Variants in NANS observed in about 807,000 individuals in gnomAD.
NANS encodes N-acetylneuraminate synthase, also known as N-acetylneuraminate-9-phosphate synthase.
In NANS, 29 loss-of-function variants were observed where a neutral mutation model predicts 33.3. The ratio of observed to expected loss-of-function variants is 0.87; its 90% CI spans 0.65 to 1.19. The LOEUF (loss-of-function observed/expected upper bound fraction) is 1.19, where lower values mean the gene tolerates loss of function less well. NANS is among the 50% of genes most tolerant of loss of function. NANS has a pLI of 0.00. For synonymous variants in NANS, 163 were observed against 177.2 expected, an observed-to-expected ratio of 0.92 and a Z score of 0.64; for missense variants, 394 against 461.1, an observed-to-expected ratio of 0.85 and a Z score of 1.33.
chr9:98,058,532 C>G (rs1828890255), intron 1 of NANS, among the ~76,000 whole-genome samples: 2 of 152,208 alleles, frequency 1.3e-5, no homozygotes, highest in African/African-American at 4.8e-5. Flanking sequence ...ACATTGTTTT[C>G]TAGAGGGAAA....
chr9:98,073,190 T>G (rs960675918), intron 2 of NANS, among the ~76,000 whole-genome samples: 7 of 150,740 alleles, frequency 4.6e-5, no homozygotes, highest in African/African-American at 1.7e-4. Flanking sequence ...TCTGACAGGC[T>G]GCTGCCCTGA....
intron 2 of NANS, among the ~76,000 whole-genome samples, chr9:98,066,626 C>G (rs1829155340): frequency 1.3e-5 from 2 of 151,376 alleles, no homozygotes; most frequent in African/African-American, 4.9e-5. Context: ...TGCCCCAATT[C>G]TCCCAGGCCT....
chr9:98,078,432 C>G, intron 4 of NANS, 85 bp downstream of exon 4: 1 of 1,463,662 alleles, frequency 6.8e-7, no homozygotes, highest in African/African-American at 1.4e-5. Context: ...TTCTAACAAA[C>G]ATGGCATACT....
Position 98,076,982 on chromosome 9 carries a change from A to T in NANS, c.413A>T (p.Asn138Ile), listed in dbSNP as rs1201539819. ...PFFKVGSGDT[N>I]NFPYLEKTAK... ...TTCAAAGTTGGATCTGGAGACACTA[A>T]TAATTTTCCTTATCTGGAAAAGACA... The change falls in exon 3 of 6, where the codon AAT (asparagine) becomes ATT (isoleucine). Residue 138 changes from asparagine (N) to isoleucine (I), a missense_variant. Coordinates refer to ENST00000210444, the MANE Select transcript of NANS (RefSeq NM_018946.4). The T allele has an allele frequency of 6.2e-7, 1 of 1,611,146 alleles. No individual in the cohort carries two copies. The highest frequency in any genetic ancestry group is 1.7e-5 in the Admixed American group (1 of 59,448).
At chr9:98,069,063 A>G (rs1829234714) in intron 2 of NANS, among the ~76,000 whole-genome samples, 2 of 152,202 alleles carry the variant, frequency 1.3e-5, no homozygotes, top group African/African-American at 2.4e-5. Flanking sequence ...TGTTTATCAT[A>G]TGACCCACCA....
intron 2 of NANS, among the ~76,000 whole-genome samples, chr9:98,065,483 ATTT>A (rs397837187): frequency 4.2e-3 from 244 of 58,626 alleles, no homozygotes; most frequent in South Asian, 5.9e-3. Context: ...TGCCCAGCTA[ATTT>A]TTTTTTTTTT....
chr9:98,057,720 T>A (rs1231263816), intron 1 of NANS, among the ~76,000 whole-genome samples: 1 of 152,142 alleles, frequency 6.6e-6, no homozygotes, highest in Non-Finnish European at 1.5e-5. Context: ...GCATAAGGCC[T>A]GGCCTGCACT....
chr9:98,062,777 GTT>G lies in NANS; in HGVS notation c.348+1799_348+1800del, dbSNP rs765558300. Among the ~76,000 whole-genome samples, 1,078 of 109,280 alleles carry G rather than the reference GTT, an allele frequency of 9.9e-3. 8 individuals are homozygous for G. Among genetic ancestry groups the G allele is most frequent in the African/African-American group, 0.034 (1,016 of 29,488 alleles). The allele number at this position is 109,280 out of a possible 152,430, so 71.7% of individuals were successfully genotyped here. ...ACTTTTGGATACGGAAGTTATTTCA[GTT>G]TTTTTTTTTTTTTTTTTTGAGACAG... On this transcript the variant is annotated intron_variant, in intron 2 of 5. Coordinates refer to ENST00000210444, the MANE Select transcript of NANS (RefSeq NM_018946.4).
intron 2 of NANS, chr9:98,075,295 A>G (rs1829531538): frequency 6.6e-6 from 1 of 150,858 alleles, no homozygotes; most frequent in Non-Finnish European, 1.5e-5. Flanking sequence ...ACCACAAAAG[A>G]AAAGAAAAAG....
intron 2 of NANS, among the ~76,000 whole-genome samples, chr9:98,072,310 G>A (rs2131638627): frequency 6.6e-6 from 1 of 152,292 alleles, no homozygotes; most frequent in African/African-American, 2.4e-5. Context: ...GAGTTTTTCT[G>A]CCTCAGCCTA....
At chr9:98,077,756 T>C (rs1291423528) in intron 3 of NANS, among the ~76,000 whole-genome samples, 2 of 152,148 alleles carry the variant, frequency 1.3e-5, no homozygotes, top group Non-Finnish European at 2.9e-5. Flanking sequence ...GCTTGATACT[T>C]ATTTCACAGG....
At chr9:98,080,675 G>A in intron 4 of NANS, 141 bp from the exon 5 acceptor site, 1 of 859,748 alleles carries the variant, frequency 1.2e-6, no homozygotes, top group East Asian at 2.7e-5. Context: ...GGAAAGAGAG[G>A]CTCAGAGAGC....
At chr9:98,057,002 G>A in intron 1 of NANS, 62 bp downstream of exon 1, 4 of 1,489,930 alleles carry the variant, frequency 2.7e-6, no homozygotes, top group South Asian at 2.7e-5. Flanking sequence ...CGGGGCCGCG[G>A]GGAGCCAGGG....
At chr9:98,082,388 G>A (rs1285511216) in intron 5 of NANS, among the ~76,000 whole-genome samples, 1 of 152,106 alleles carries the variant, frequency 6.6e-6, no homozygotes, top group African/African-American at 2.4e-5. Context: ...ACCCTGTATG[G>A]GCCTCAGTTT....
Position 98,056,929 on chromosome 9 carries a change from CG to C in NANS, c.122del (p.Arg41ProfsTer18). ...CCTGGACGTAGCCAAGCGCATGATCCGCATGGCCAAGGTGAGGCGGCAGCTC... is the reference window on the plus strand; with the variant it reads ...CCTGGACGTAGCCAAGCGCATGATCCCATGGCCAAGGTGAGGCGGCAGCTC... ...GDLDVAKRMIRMAKECGADCA... is the reference protein window; with the variant it reads ...GDLDVAKRMIXMAKECGADCA... On this transcript the variant is annotated frameshift_variant, in exon 1 of 6. Transcript: ENST00000210444. LOFTEE classifies it high-confidence loss of function. The C allele has an allele frequency of 6.3e-7, 1 of 1,599,750 alleles. No homozygotes were observed. Among genetic ancestry groups the C allele is most frequent in the Non-Finnish European group, 8.5e-7 (1 of 1,173,594 alleles).
At chr9:98,060,565 G>A (rs1352530968) in intron 1 of NANS, among the ~76,000 whole-genome samples, 1 of 152,182 alleles carries the variant, frequency 6.6e-6, no homozygotes, top group Non-Finnish European at 1.5e-5. Flanking sequence ...AGCTACTTGG[G>A]AGGCTGAGGC....
rs771297523 is a variant in NANS at position 98,078,249 on chromosome 9, T to TATC, written c.507_509dup (p.Tyr169_Gln170insHis). On this transcript the variant is annotated inframe_insertion, in exon 4 of 6. Transcript: ENST00000210444. The stretch of plus-strand genomic sequence containing the variant: ...GTCAATGGACACCATGAAGCAAGTT[T>TATC]ATCAGATCGTGAAGCCCCTCAACCC... 5 of 1,613,980 alleles carry TATC rather than the reference T, an allele frequency of 3.1e-6. No homozygotes were observed.
chr9:98,059,599 G>A (rs1212424414), intron 1 of NANS, among the ~76,000 whole-genome samples: 3 of 152,064 alleles, frequency 2.0e-5, no homozygotes, highest in Non-Finnish European at 4.4e-5. Flanking sequence ...ATTTTTTGTA[G>A]AGACAGGGTC....
At chr9:98,076,529 C>T (rs1009441505) in intron 2 of NANS, 2 of 193,096 alleles carry the variant, frequency 1.0e-5, no homozygotes, top group Non-Finnish European at 1.1e-5. Context: ...TGCCCGCCAC[C>T]ACACCCGGCT....
Sources: allele counts gnomAD v4.1 joint callset (sites outside exome capture counted in the v4.1 genomes callset), GRCh38; gene constraint gnomAD v4.1.1; transcripts MANE v1.5; gene names NCBI Gene and HGNC (gene_info 2026-07-23, HGNC 2026-07-21).